The following PDZD8 variants were observed in gnomAD, a reference collection of about 807,000 sequenced individuals.
PDZD8 encodes the protein PDZ domain containing 8.
PDZD8 carries 14 observed loss-of-function variants against 85.8 expected under a neutral mutation model. That is an observed-to-expected ratio of 0.16 (90% CI 0.11 to 0.26). The LOEUF is 0.26. Ranked by LOEUF, PDZD8 falls within the 10% of genes least tolerant of loss-of-function variation. The pLI, the probability that PDZD8 is intolerant of heterozygous loss-of-function variation, is 1.00. For synonymous variants in PDZD8, 592 were observed against 568.6 expected (o/e 1.04, Z -0.59); for missense variants, 1,197 against 1,424.3 (o/e 0.84, Z 2.57).
In PDZD8 at chr10:117,318,956, G is replaced by C; in HGVS notation, c.1014C>G (p.Ser338=). The C allele has an allele frequency of 6.2e-7, 1 of 1,610,602 alleles. No individual in the cohort carries two copies. Among genetic ancestry groups the C allele is most frequent in the Non-Finnish European group, 8.5e-7 (1 of 1,177,528 alleles). The part of the protein sequence containing the change: ...LECSRLLIFG[S]YDREANVHCT... ...AATGAACATTTGCCTCTCTGTCATA[G>C]GATCCAAAAATGAGTAACCTGCAGA... Residue 338 remains serine, a synonymous_variant, in exon 3 of 5, where the codon TCC becomes TCG. Transcript: ENST00000334464.
At chr10:117,314,045 C>G (rs998924097) in intron 3 of PDZD8, 1 of 152,166 alleles carries the variant, frequency 6.6e-6, no homozygotes, top group Admixed American at 6.5e-5. Flanking sequence ...GGGATTTAAT[C>G]AAACAAGTAG....
In PDZD8 at chr10:117,344,512, C is replaced by T. The variant is rs113833442; in HGVS notation, c.873-3410G>A. Among the ~76,000 whole-genome samples, 1,213 of 152,254 alleles carry T rather than the reference C, an allele frequency of 8.0e-3. 13 individuals are homozygous for T. Among genetic ancestry groups the T allele is most frequent in the South Asian group, 0.015 (74 of 4,830 alleles). On this transcript the variant is annotated intron_variant, in intron 1 of 4. Transcript: ENST00000334464. ...ACGCCATTCTCCTGCCTCAGCCTCCCGAGTAGCTGGGACTACAGGCGCCCA... is the reference window on the plus strand; with the variant it reads ...ACGCCATTCTCCTGCCTCAGCCTCCTGAGTAGCTGGGACTACAGGCGCCCA...
chr10:117,301,890 A>G (rs991927664), intron 3 of PDZD8, among the ~76,000 whole-genome samples: 2 of 151,344 alleles, frequency 1.3e-5, no homozygotes, highest in African/African-American at 2.4e-5. Flanking sequence ...CCTCCCCCGG[A>G]CAGCCCCCAC....
At chr10:117,289,939 T>C (rs1456504781) in intron 4 of PDZD8, among the ~76,000 whole-genome samples, 1 of 152,192 alleles carries the variant, frequency 6.6e-6, no homozygotes, top group African/African-American at 2.4e-5. Flanking sequence ...AGTGGTTATA[T>C]AAAAGTGGTC....
chr10:117,277,517 CAATAT>C lies in PDZD8; in HGVS notation c.*5746_*5750del. On this transcript the variant is annotated 3_prime_UTR_variant, in exon 5 of 5. Coordinates refer to ENST00000334464, the MANE Select transcript of PDZD8 (RefSeq NM_173791.5). ...GTATTTAATTTTATTAAATATCATACAATATATTTTGATGAAATAGGTATTGTGTA... is the reference window on the plus strand; with the variant it reads ...GTATTTAATTTTATTAAATATCATACATTTTGATGAAATAGGTATTGTGTA... The C allele has an allele frequency of 4.4e-6, 1 of 224,984 alleles. No homozygotes were observed. Among genetic ancestry groups the C allele is most frequent in the African/African-American group, 2.3e-5 (1 of 44,116 alleles). 13.9% of individuals were successfully genotyped at this position (224,984 alleles called of 1,614,324 possible). A position where few individuals can be genotyped will look rare whatever the true frequency, so the allele number is the denominator to read the frequency against.
intron 3 of PDZD8, among the ~76,000 whole-genome samples, chr10:117,290,735 T>C (rs1441666440): frequency 2.0e-5 from 3 of 152,084 alleles, no homozygotes; most frequent in Non-Finnish European, 4.4e-5. Flanking sequence ...TCAATAATAC[T>C]GAGACATAGT....
In PDZD8 at chr10:117,280,160, G is replaced by A. The variant is rs1379082051; in HGVS notation, c.*3108C>T. 1.3e-5 allele frequency: 2 copies of A among 152,072 alleles called. No individual in the cohort carries two copies. Among genetic ancestry groups the A allele is most frequent in the Non-Finnish European group, 2.9e-5 (2 of 68,008 alleles). 9.4% of individuals were successfully genotyped at this position (152,072 alleles called of 1,614,324 possible). ...CAAGTACTTCTGATATTGAATATAAGGCTTGATATGAAGAAGTATAGCCTA... is the reference window on the plus strand; with the variant it reads ...CAAGTACTTCTGATATTGAATATAAAGCTTGATATGAAGAAGTATAGCCTA... On this transcript the variant is annotated 3_prime_UTR_variant, in exon 5 of 5. Coordinates refer to ENST00000334464, the MANE Select transcript of PDZD8 (RefSeq NM_173791.5).
chr10:117,299,577 A>C (rs925797424), intron 3 of PDZD8, among the ~76,000 whole-genome samples: 2 of 152,026 alleles, frequency 1.3e-5, no homozygotes, highest in African/African-American at 2.4e-5. Context: ...CCAGCTCTGA[A>C]GTTCTTTCTT....
rs1019081290 is a variant in PDZD8 at position 117,342,779 on chromosome 10, C to A, written c.873-1677G>T. On this transcript the variant is annotated intron_variant, in intron 1 of 4. Coordinates refer to ENST00000334464, the MANE Select transcript of PDZD8 (RefSeq NM_173791.5). ...TGCTGGGATTACAGGCCTGAGCCAC[C>A]ACACCCAGCCCACAATTAATCTTTC... 8.1e-4 allele frequency among the ~76,000 whole-genome samples: 124 copies of A among 152,306 alleles called. 2 individuals carry two copies. The highest frequency in any genetic ancestry group is 6.8e-3 in the Middle Eastern group (2 of 294).
intron 1 of PDZD8, among the ~76,000 whole-genome samples, chr10:117,367,303 T>C (rs1169202691): frequency 1.3e-5 from 2 of 152,006 alleles, no homozygotes; most frequent in African/African-American, 4.8e-5. Context: ...CTTAGCTACT[T>C]GGGAGGCTGA....
At chr10:117,308,806 A>T (rs1466831408) in intron 3 of PDZD8, among the ~76,000 whole-genome samples, 1 of 152,168 alleles carries the variant, frequency 6.6e-6, no homozygotes, top group Admixed American at 6.6e-5. Context: ...AAACAGAGAT[A>T]ATAATAGTGC....
intron 1 of PDZD8, among the ~76,000 whole-genome samples, chr10:117,341,972 C>A (rs1254802542): frequency 6.6e-6 from 1 of 152,056 alleles, no homozygotes; most frequent in Non-Finnish European, 1.5e-5. Flanking sequence ...TGCTCACAAC[C>A]CTGAAGAGGG....
chr10:117,344,989 T>C (rs1348628195), intron 1 of PDZD8, among the ~76,000 whole-genome samples: 1 of 152,136 alleles, frequency 6.6e-6, no homozygotes, highest in African/African-American at 2.4e-5. Context: ...AGAGGACCTC[T>C]GGCTACTCTA....
At chr10:117,361,716 G>A (rs1393954654) in intron 1 of PDZD8, among the ~76,000 whole-genome samples, 2 of 152,042 alleles carry the variant, frequency 1.3e-5, no homozygotes, top group Non-Finnish European at 2.9e-5. Flanking sequence ...AGCCCTCCAC[G>A]TCTATGGGTT....
chr10:117,301,016 T>A (rs1843838329), intron 3 of PDZD8, among the ~76,000 whole-genome samples: 1 of 152,142 alleles, frequency 6.6e-6, no homozygotes, highest in Admixed American at 6.6e-5. Context: ...TTTGAGACAG[T>A]CTTGCTCTGT....
chr10:117,315,749 C>T (rs998181229), intron 3 of PDZD8, among the ~76,000 whole-genome samples: 1 of 152,024 alleles, frequency 6.6e-6, no homozygotes, highest in African/African-American at 2.4e-5. Context: ...TTTATGTGTT[C>T]TGTGGCGCTA....
intron 2 of PDZD8, among the ~76,000 whole-genome samples, chr10:117,338,789 CAGTCTTTG>C (rs1844559510): frequency 6.6e-6 from 1 of 152,142 alleles, no homozygotes; most frequent in Non-Finnish European, 1.5e-5. Context: ...GCCTTACATG[CAGTCTTTG>C]ATTCCTGTAG....
At chr10:117,329,209 A>G (rs557018114) in intron 2 of PDZD8, among the ~76,000 whole-genome samples, 7 of 152,354 alleles carry the variant, frequency 4.6e-5, no homozygotes, top group Admixed American at 4.6e-4. Context: ...AAATGAGTAT[A>G]AATAAATTTC....
intron 3 of PDZD8, among the ~76,000 whole-genome samples, chr10:117,305,572 A>G (rs1843929103): frequency 6.6e-6 from 1 of 151,976 alleles, no homozygotes; most frequent in Admixed American, 6.6e-5. Flanking sequence ...AGTACAAGGA[A>G]TGAATCCTAA....
Sources: gnomAD v4.1 joint callset for allele counts (sites outside exome capture counted in the v4.1 genomes callset) on GRCh38, gnomAD v4.1.1 for gene constraint, MANE v1.5 for transcripts, NCBI Gene and HGNC (gene_info 2026-07-23, HGNC 2026-07-21) for gene names.